The following PPP2R3A variants were observed in gnomAD, a reference collection of about 807,000 sequenced individuals.
The protein encoded by PPP2R3A is protein phosphatase 2 regulatory subunit B''alpha.
PPP2R3A carries 80 observed loss-of-function variants against 106.9 expected under a neutral mutation model. That is an observed-to-expected ratio of 0.75 (90% CI 0.62 to 0.90). The LOEUF (loss-of-function observed/expected upper bound fraction) is 0.90, where lower values mean the gene tolerates loss of function less well. Ranked by LOEUF, PPP2R3A falls within the 40% of genes least tolerant of loss-of-function variation. The pLI, the probability that PPP2R3A is intolerant of heterozygous loss-of-function variation, is 0.00. For synonymous variants in PPP2R3A, 483 were observed against 468.3 expected (o/e 1.03, Z -0.41); for missense variants, 1,386 against 1,350.4 (o/e 1.03, Z -0.41).
At chr3:136,059,266 A>G (rs890517787) in intron 5 of PPP2R3A, among the ~76,000 whole-genome samples, 2 of 152,188 alleles carry the variant, frequency 1.3e-5, no homozygotes, top group Non-Finnish European at 2.9e-5. Flanking sequence ...TCCAGCATCT[A>G]TAAGGAACTT....
chr3:136,083,339 A>T (rs891391456), intron 8 of PPP2R3A, among the ~76,000 whole-genome samples: 3 of 152,128 alleles, frequency 2.0e-5, no homozygotes, highest in Non-Finnish European at 4.4e-5. Flanking sequence ...TGTAGTTCTC[A>T]TGATAGTGAA....
intron 5 of PPP2R3A, among the ~76,000 whole-genome samples, chr3:136,070,168 A>T (rs1936381272): frequency 2.6e-5 from 4 of 152,140 alleles, no homozygotes; most frequent in African/African-American, 9.7e-5. Context: ...AATCTGTGGG[A>T]TGAATTGCCT....
intron 1 of PPP2R3A, among the ~76,000 whole-genome samples, chr3:135,993,658 A>G (rs1004945679): frequency 6.6e-6 from 1 of 152,260 alleles, no homozygotes; most frequent in African/African-American, 2.4e-5. Flanking sequence ...CTGTATGAAT[A>G]TACCAGAATT....
At chr3:136,028,895 C>T (rs1272526423) in intron 3 of PPP2R3A, among the ~76,000 whole-genome samples, 1 of 152,068 alleles carries the variant, frequency 6.6e-6, no homozygotes, top group Non-Finnish European at 1.5e-5. Context: ...TCTTGTTGCC[C>T]AGGCTGGAGT....
intron 9 of PPP2R3A, 90 bp downstream of exon 9, chr3:136,088,021 C>A: frequency 8.9e-7 from 1 of 1,124,214 alleles, no homozygotes. Context: ...AATAATTTGG[C>A]AGTGCTATTG....
chr3:136,020,275 C>T (rs1483313378), intron 2 of PPP2R3A, among the ~76,000 whole-genome samples: 1 of 151,932 alleles, frequency 6.6e-6, no homozygotes, highest in Non-Finnish European at 1.5e-5. Flanking sequence ...TATAAAATGT[C>T]TATATAAACA....
intron 2 of PPP2R3A, among the ~76,000 whole-genome samples, chr3:136,004,397 A>T (rs553024404): frequency 6.6e-6 from 1 of 152,264 alleles, no homozygotes; most frequent in South Asian, 2.1e-4. Context: ...CCCATCTAGG[A>T]TATGTGGCTT....
intron 5 of PPP2R3A, among the ~76,000 whole-genome samples, chr3:136,051,018 TC>T (rs1935667478): frequency 6.6e-6 from 1 of 152,224 alleles, no homozygotes. Context: ...GGGGAGTGTT[TC>T]TATCTAGGCC....
chr3:136,021,064 G>C (rs1471794433), intron 2 of PPP2R3A, among the ~76,000 whole-genome samples: 1 of 152,044 alleles, frequency 6.6e-6, no homozygotes, highest in South Asian at 2.1e-4. Flanking sequence ...TACAGCCACA[G>C]GTTGGTGTTG....
intron 6 of PPP2R3A, among the ~76,000 whole-genome samples, chr3:136,073,210 G>T (rs930897270): frequency 6.6e-6 from 1 of 152,072 alleles, no homozygotes; most frequent in Non-Finnish European, 1.5e-5. Flanking sequence ...CTCATGATCC[G>T]CCTGCCACGG....
chr3:135,988,342 T>A (rs988010838), intron 1 of PPP2R3A, among the ~76,000 whole-genome samples: 2 of 151,856 alleles, frequency 1.3e-5, no homozygotes, highest in South Asian at 4.2e-4. Flanking sequence ...TCCCATTGGC[T>A]CTACTTTCAA....
intron 1 of PPP2R3A, among the ~76,000 whole-genome samples, chr3:135,981,867 A>C (rs963935354): frequency 2.0e-5 from 3 of 151,800 alleles, no homozygotes; most frequent in African/African-American, 7.3e-5. Context: ...GGTGGTTAGC[A>C]GACTGAGCTA....
intron 13 of PPP2R3A, among the ~76,000 whole-genome samples, chr3:136,117,059 A>G (rs1937792410): frequency 6.6e-6 from 1 of 152,224 alleles, no homozygotes; most frequent in Admixed American, 6.5e-5. Flanking sequence ...CAGTGCAATC[A>G]AATTAGAACT....
chr3:136,005,174 A>G (rs2107794001), intron 2 of PPP2R3A, among the ~76,000 whole-genome samples: 1 of 152,286 alleles, frequency 6.6e-6, no homozygotes, highest in Admixed American at 6.5e-5. Context: ...TCACGTACAA[A>G]ATTCTTTAAA....
Position 136,002,739 on chromosome 3 carries a change from C to T in PPP2R3A, c.1241C>T (p.Thr414Ile). The change falls in exon 2 of 14, where the codon ACT (threonine) becomes ATT (isoleucine). Residue 414 changes from threonine to isoleucine, a missense_variant. By Grantham distance (89) the Thr-to-Ile change is moderately conservative. Coordinates refer to ENST00000264977, the MANE Select transcript of PPP2R3A (RefSeq NM_002718.5). ...GTTTCTTCTGACGACTTAATGGAAA[C>T]TCTTTATATTGAAGAAGAGTCAGAT... The part of the protein sequence containing the change: ...ENVSSDDLME[T>I]LYIEEESDGK... The T allele has an allele frequency of 6.2e-7, 1 of 1,612,700 alleles. No individual in the cohort carries two copies. The highest frequency in any genetic ancestry group is 8.5e-7 in the Non-Finnish European group (1 of 1,179,538).
chr3:136,115,499 T>C (rs555520830), intron 13 of PPP2R3A, among the ~76,000 whole-genome samples: 1 of 151,660 alleles, frequency 6.6e-6, no homozygotes, highest in East Asian at 2.0e-4. Flanking sequence ...CTAAGAACCT[T>C]TAAAAAAGGG....
chr3:136,047,918 AGAT>A (rs1353073437), intron 4 of PPP2R3A, among the ~76,000 whole-genome samples: 1 of 152,006 alleles, frequency 6.6e-6, no homozygotes, highest in Admixed American at 6.5e-5. Context: ...AAAAAAAAAA[AGAT>A]GAGAACAGTA....
chr3:136,067,551 T>G (rs1936297138), intron 5 of PPP2R3A, among the ~76,000 whole-genome samples: 1 of 152,196 alleles, frequency 6.6e-6, no homozygotes. Context: ...GTGACTAGAA[T>G]TCTCTGGACA....
chr3:136,055,764 AATTT>A, intron 5 of PPP2R3A: 1 of 636,716 alleles, frequency 1.6e-6, no homozygotes. Context: ...TGGTGATGAG[AATTT>A]TTTAAAAACA....
Sources: gnomAD v4.1 joint callset for allele counts (sites outside exome capture counted in the v4.1 genomes callset) on GRCh38, gnomAD v4.1.1 for gene constraint, MANE v1.5 for transcripts, NCBI Gene and HGNC (gene_info 2026-07-23, HGNC 2026-07-21) for gene names.